The following WHRN variants were observed in gnomAD, a reference collection of about 807,000 sequenced individuals.
The protein encoded by WHRN is CASK-interacting protein CIP98.
A neutral mutation model predicts 68.3 loss-of-function variants in WHRN; 41 were observed. The ratio of observed to expected loss-of-function variants is 0.60; its 90% CI spans 0.47 to 0.78. The LOEUF (loss-of-function observed/expected upper bound fraction) is 0.78. Among genes scored for constraint, WHRN ranks in the 30% least tolerant of loss-of-function variants. WHRN has a pLI of 0.00. For missense variants in WHRN, 1,243 were observed against 1,244.7 expected (o/e 1.00, Z 0.02); for synonymous variants, 560 against 561.3 (o/e 1.00, Z 0.03).
At chr9:114,406,323 A>G (rs1835022293) in intron 9 of WHRN, 32 bp downstream of exon 9, 2 of 1,613,374 alleles carry the variant, frequency 1.2e-6, no homozygotes, top group South Asian at 1.1e-5. Context: ...GGGACCCCCA[A>G]GGACCACAGA....
intron 2 of WHRN, among the ~76,000 whole-genome samples, chr9:114,469,375 G>A (rs1198360021): frequency 6.6e-6 from 1 of 152,186 alleles, no homozygotes; most frequent in African/African-American, 2.4e-5. Flanking sequence ...GGAGTCACCG[G>A]GTGGTAAGAG....
At chr9:114,440,759 A>G (rs1189690029) in intron 3 of WHRN, among the ~76,000 whole-genome samples, 2 of 152,210 alleles carry the variant, frequency 1.3e-5, no homozygotes, top group African/African-American at 4.8e-5. Context: ...ATCAGCTTAA[A>G]ACGCCGTGTG....
intron 3 of WHRN, among the ~76,000 whole-genome samples, chr9:114,447,709 C>G (rs1003780231): frequency 5.9e-5 from 9 of 152,084 alleles, no homozygotes; most frequent in Non-Finnish European, 8.8e-5. Context: ...ACAAGGACTC[C>G]ACCTTTCCAA....
intron 1 of WHRN, among the ~76,000 whole-genome samples, chr9:114,494,647 G>C (rs531871458): frequency 2.6e-5 from 4 of 152,288 alleles, no homozygotes; most frequent in African/African-American, 9.6e-5. Flanking sequence ...ACAAAACCTA[G>C]GTGTAAATCC....
chr9:114,426,529 G>A, intron 3 of WHRN, 116 bp from the exon 4 acceptor site: 4 of 1,194,012 alleles, frequency 3.4e-6, no homozygotes, highest in Non-Finnish European at 4.9e-6. Context: ...AGGTCATCCA[G>A]GATCAGAGAG....
At chr9:114,469,650 C>T (rs1193654227) in intron 2 of WHRN, among the ~76,000 whole-genome samples, 6 of 152,208 alleles carry the variant, frequency 3.9e-5, no homozygotes, top group Non-Finnish European at 5.9e-5. Flanking sequence ...TGCCGAGATC[C>T]GTGCTGAGAA....
intron 3 of WHRN, among the ~76,000 whole-genome samples, chr9:114,448,411 C>T (rs997653681): frequency 2.6e-5 from 4 of 152,114 alleles, no homozygotes; most frequent in African/African-American, 9.7e-5. Flanking sequence ...TAACTGAATA[C>T]ATTTCTGTTG....
intron 3 of WHRN, among the ~76,000 whole-genome samples, chr9:114,446,356 G>A (rs1389493492): frequency 1.3e-5 from 2 of 152,066 alleles, no homozygotes; most frequent in Non-Finnish European, 2.9e-5. Flanking sequence ...GGAGGAATGG[G>A]GAGTGATGAC....
rs772190444 is a variant in WHRN, at chr9:114,423,413, T to C, written c.1527A>G (p.Pro509=). 3 of 1,613,944 alleles carry C rather than the reference T, an allele frequency of 1.9e-6. No individual in the cohort carries two copies. The South Asian group carries it at 3.3e-5, about 18-fold the overall frequency. ...EIESMKARQP[P]GPGAGDTYSM... is the part of the protein sequence containing the mutation. ...AGTAGGTGTCCCCAGCCCCGGGGCCTGGGGGCTGCCGCGCCTTCATGGACT... is the reference window on the plus strand; with the variant it reads ...AGTAGGTGTCCCCAGCCCCGGGGCCCGGGGGCTGCCGCGCCTTCATGGACT... Residue 509 remains proline (P), a synonymous_variant, in exon 7 of 12, where the codon CCA becomes CCG. Transcript: ENST00000362057.
chr9:114,441,191 A>G (rs538401674), intron 3 of WHRN, among the ~76,000 whole-genome samples: 1 of 152,336 alleles, frequency 6.6e-6, no homozygotes, highest in South Asian at 2.1e-4. Context: ...ATATAGATAT[A>G]TAACATACAA....
intron 7 of WHRN, among the ~76,000 whole-genome samples, chr9:114,421,628 G>A (rs947434155): frequency 6.6e-6 from 1 of 152,242 alleles, no homozygotes; most frequent in Admixed American, 6.5e-5. Context: ...GTGGCTCATG[G>A]CTGCTGAGGC....
intron 1 of WHRN, among the ~76,000 whole-genome samples, chr9:114,481,881 A>G (rs907048169): frequency 2.6e-5 from 4 of 152,206 alleles, no homozygotes; most frequent in African/African-American, 9.6e-5. Flanking sequence ...GGAACAAGGC[A>G]TTGCCTGGCA....
rs554064841 is a variant in WHRN, at chr9:114,466,538, T to C, written c.838-146A>G. 25 of 1,180,658 alleles carry C rather than the reference T, an allele frequency of 2.1e-5. No individual in the cohort carries two copies. In the East Asian group the frequency reaches 5.8e-4, roughly 27 times the overall value. The allele number at this position is 1,180,658 out of a possible 1,614,324, so 73.1% of individuals were successfully genotyped here. ...CCAGGCCAAGGCCTGGAAGATACCC[T>C]AGAACATTCCAGTTCCTGCCCCAGC... On this transcript the variant is annotated intron_variant, in intron 2 of 11. Coordinates refer to ENST00000362057, the MANE Select transcript of WHRN (RefSeq NM_015404.4).
chr9:114,503,318 T>C (rs1844096016), intron 1 of WHRN: 1 of 529,862 alleles, frequency 1.9e-6, no homozygotes, highest in African/African-American at 2.1e-5. Flanking sequence ...CTTCACTTCT[T>C]GTACGCAAAG....
chr9:114,463,177 C>T (rs1034115436), intron 3 of WHRN, among the ~76,000 whole-genome samples: 2 of 152,228 alleles, frequency 1.3e-5, no homozygotes, highest in African/African-American at 4.8e-5. Flanking sequence ...TCAAACACAG[C>T]TGGTCTGTTT....
intron 3 of WHRN, among the ~76,000 whole-genome samples, chr9:114,464,827 TG>T (rs1840533266): frequency 1.3e-5 from 1 of 78,110 alleles, no homozygotes; most frequent in Non-Finnish European, 2.7e-5. Flanking sequence ...ATGATGATGA[TG>T]ATGATGATGA....
At chr9:114,432,114 G>A (rs777715646) in intron 3 of WHRN, among the ~76,000 whole-genome samples, 115 of 152,234 alleles carry the variant, frequency 7.6e-4, no homozygotes, top group Non-Finnish European at 2.5e-4. Flanking sequence ...TGATGGAGGA[G>A]TGGAGGGTGG....
intron 7 of WHRN, among the ~76,000 whole-genome samples, chr9:114,413,730 T>G (rs1029319599): frequency 4.6e-5 from 7 of 152,260 alleles, no homozygotes; most frequent in African/African-American, 1.7e-4. Flanking sequence ...GCACTGTGCT[T>G]TTCTACCAGC....
intron 6 of WHRN, among the ~76,000 whole-genome samples, chr9:114,423,890 C>G (rs781133120): frequency 1.3e-5 from 2 of 152,214 alleles, no homozygotes; most frequent in Non-Finnish European, 2.9e-5. Flanking sequence ...ATAACCCCTC[C>G]CAGTGGATTT....
Sources: allele counts gnomAD v4.1 joint callset (sites outside exome capture counted in the v4.1 genomes callset), GRCh38; gene constraint gnomAD v4.1.1; transcripts MANE v1.5; gene names NCBI Gene and HGNC (gene_info 2026-07-23, HGNC 2026-07-21).